Variants in PLCD4 observed in about 807,000 individuals in gnomAD.
The protein encoded by PLCD4 is 1-phosphatidylinositol 4,5-bisphosphate phosphodiesterase delta-4.
PLCD4 carries 63 observed loss-of-function variants against 90.2 expected under a neutral mutation model. The ratio of observed to expected loss-of-function variants is 0.70; its 90% CI spans 0.57 to 0.86. The LOEUF is 0.86. Among genes scored for constraint, PLCD4 ranks in the 40% least tolerant of loss-of-function variants. The pLI is 0.00. For missense variants in PLCD4, 830 were observed against 956.3 expected (o/e 0.87, Z 1.74); for synonymous variants, 294 against 356.5 (o/e 0.82, Z 1.97).
intron 7 of PLCD4, chr2:218,629,305 C>G: frequency 1.9e-6 from 1 of 526,172 alleles, no homozygotes; most frequent in Non-Finnish European, 3.4e-6. Context: ...TATGGAAGGA[C>G]TGTGAGTCGG....
Position 218,633,650 on chromosome 2 carries a change from T to C in PLCD4, c.1495T>C (p.Tyr499His). The C allele has an allele frequency of 1.2e-6, 2 of 1,613,548 alleles. No homozygotes were observed. The highest frequency in any genetic ancestry group is 1.7e-6 in the Non-Finnish European group (2 of 1,179,484). ...TCCAGCCCTCTCTTCCCTGGTTATC[T>C]ACTTGAAGTCTGTCTCATTCCGCAG... ...LCPALSSLVI[Y>H]LKSVSFRSFT... Residue 499 changes from tyrosine to histidine, a missense_variant, in exon 11 of 16, where the codon TAC becomes CAC. Transcript: ENST00000450993.
rs765735729 is a variant in PLCD4, at chr2:218,636,551, G to A, written c.2263G>A (p.Glu755Lys). The change falls in exon 16 of 16, where the codon GAA becomes AAA. Residue 755 changes from glutamate (E) to lysine (K), a missense_variant. Transcript: ENST00000450993. ...CATCTTTGTGTATATCTGCATCCAG[G>A]AAGGCCTGGAGGGGGATGAGTCCTG... ...ASIFVYICIQEGLEGDES is the reference protein window; with the variant it reads ...ASIFVYICIQKGLEGDES The A allele has an allele frequency of 6.2e-7, 1 of 1,614,026 alleles. No homozygotes were observed. The highest frequency in any genetic ancestry group is 1.1e-5 in the South Asian group (1 of 91,078).
Position 218,618,609 on chromosome 2 carries a change from A to T in PLCD4, c.212A>T (p.Asn71Ile), listed in dbSNP as rs1695730650. The T allele has an allele frequency of 6.2e-7, 1 of 1,613,888 alleles. No homozygotes were observed. The highest frequency in any genetic ancestry group is 1.3e-5 in the African/African-American group (1 of 74,910). ...FSISDVETIRNGHDSELLRSL... is the reference protein window; with the variant it reads ...FSISDVETIRIGHDSELLRSL... ...ATCTCTGATGTGGAGACAATACGTAATGGCCATGATTCCGAGTTGCTGCGT... is the reference window on the plus strand; with the variant it reads ...ATCTCTGATGTGGAGACAATACGTATTGGCCATGATTCCGAGTTGCTGCGT... Residue 71 changes from asparagine (N) to isoleucine (I), a missense_variant, in exon 4 of 16, where the codon AAT (asparagine) becomes ATT (isoleucine). Coordinates refer to ENST00000450993, the MANE Select transcript of PLCD4 (RefSeq NM_032726.4).
chr2:218,621,372 G>A (rs1228825866), intron 4 of PLCD4, 98 bp from the exon 5 acceptor site: 2 of 1,400,732 alleles, frequency 1.4e-6, no homozygotes, highest in Non-Finnish European at 1.0e-6. Flanking sequence ...AGAGAGACTG[G>A]CAGGAAAGAG....
At chr2:218,611,966 G>A (rs1023251100) in intron 1 of PLCD4, among the ~76,000 whole-genome samples, 2 of 150,156 alleles carry the variant, frequency 1.3e-5, no homozygotes, top group African/African-American at 4.9e-5. Flanking sequence ...GTCTAGCTCT[G>A]TCGCCAGGTT....
chr2:218,617,253 T>C lies in PLCD4; in HGVS notation c.181+1191T>C, dbSNP rs567717003. On this transcript the variant is annotated intron_variant, in intron 3 of 15. Coordinates refer to ENST00000450993, the MANE Select transcript of PLCD4 (RefSeq NM_032726.4). ...TGCTGGGATTACAGGCGTGAGCCACTGCACCCGGCCTATAATAAATATTTT... is the reference window on the plus strand; with the variant it reads ...TGCTGGGATTACAGGCGTGAGCCACCGCACCCGGCCTATAATAAATATTTT... 1.5e-3 allele frequency among the ~76,000 whole-genome samples: 213 copies of C among 141,748 alleles called. 1 individual carries two copies. In the South Asian group the frequency reaches 0.018, roughly 12 times the overall value. 93.0% of individuals were successfully genotyped at this position (141,748 alleles called of 152,430 possible).
rs1420698830 is a variant in PLCD4, at chr2:218,630,810, C to T, written c.1272+8C>T. ...CAGCTGCCCTCGCCTGAGGTAGGGA[C>T]ACTGTTCCTCCAGCCCAGGCTCTGC... On this transcript the variant is annotated splice_region_variant and intron_variant, in intron 9 of 15. Transcript: ENST00000450993. 6.2e-7 allele frequency: 1 copy of T among 1,606,632 alleles called. No individual in the cohort carries two copies. The highest frequency in any genetic ancestry group is 8.5e-7 in the Non-Finnish European group (1 of 1,175,534).
chr2:218,633,757 G>A lies in PLCD4; in HGVS notation c.1602G>A (p.Glu534=). The A allele has an allele frequency of 3.1e-6, 5 of 1,613,886 alleles. No individual in the cohort carries two copies. In the African/African-American group the frequency reaches 6.7e-5, roughly 22 times the overall value. ...CCAAGGCCAAGCGCCTCATCAAGGA[G>A]GCTGGTCAGGACCAAAATGGAGGGA... ...SETKAKRLIK[E]AGNEFVQHNT... Residue 534 remains glutamate (E), a synonymous_variant, in exon 11 of 16, where the codon GAG becomes GAA. Coordinates refer to ENST00000450993, the MANE Select transcript of PLCD4 (RefSeq NM_032726.4).
At chr2:218,608,864 C>T (rs543358213) in intron 1 of PLCD4, among the ~76,000 whole-genome samples, 4 of 152,152 alleles carry the variant, frequency 2.6e-5, no homozygotes, top group South Asian at 4.1e-4. Flanking sequence ...ACTGGCCGGG[C>T]GCGGTGGCTC....
chr2:218,636,619 CG>C lies in PLCD4; in HGVS notation c.*46del. ...GAAGGGTTGGTGTGCTGGCTTTAGA[CG>C]GGGAGAAACATCTGGAAGGATGCTC... On this transcript the variant is annotated 3_prime_UTR_variant, in exon 16 of 16. Transcript: ENST00000450993. 1 of 1,569,122 alleles carries C rather than the reference CG, an allele frequency of 6.4e-7. No individual in the cohort carries two copies. The highest frequency in any genetic ancestry group is 8.7e-7 in the Non-Finnish European group (1 of 1,143,114).
intron 3 of PLCD4, among the ~76,000 whole-genome samples, chr2:218,616,932 A>ATATG (rs1479684306): frequency 7.4e-5 from 1 of 13,544 alleles, no homozygotes; most frequent in Non-Finnish European, 1.4e-4. Context: ...ATATATAGAG[A>ATATG]GAGAGAGAGA....
intron 7 of PLCD4, chr2:218,629,282 T>G: frequency 2.1e-6 from 1 of 466,788 alleles, no homozygotes; most frequent in Non-Finnish European, 3.8e-6. Flanking sequence ...TGAGGCAATG[T>G]GTGATGGATT....
chr2:218,615,799 T>C (rs1220677153), intron 2 of PLCD4, 38 bp downstream of exon 2: 6 of 1,601,516 alleles, frequency 3.7e-6, no homozygotes, highest in African/African-American at 1.3e-5. Flanking sequence ...GAGGCCTTAG[T>C]GTACAGCTCA....
At chr2:218,627,189 A>G (rs1434913025) in intron 6 of PLCD4, among the ~76,000 whole-genome samples, 1 of 151,802 alleles carries the variant, frequency 6.6e-6, no homozygotes, top group African/African-American at 2.4e-5. Context: ...TGAAACCAGG[A>G]GGCGGAGCTT....
Position 218,630,531 on chromosome 2 carries a change from T to C in PLCD4, c.1120-119T>C, listed in dbSNP as rs1034109806. 9 of 1,177,144 alleles carry C rather than the reference T, an allele frequency of 7.6e-6. No homozygotes were observed. The African/African-American group carries it at 1.1e-4, about 14-fold the overall frequency. 72.9% of individuals were successfully genotyped at this position (1,177,144 alleles called of 1,614,324 possible). A position where few individuals can be genotyped will look rare whatever the true frequency, so the allele number is the denominator to read the frequency against. On this transcript the variant is annotated intron_variant, in intron 8 of 15. Coordinates refer to ENST00000450993, the MANE Select transcript of PLCD4 (RefSeq NM_032726.4). ...ATCCTATAATGGAGTTGGAAGAGTT[T>C]AGTGATCAGGGTACTCATCTGAGTG...
At chr2:218,616,943 G>T (rs1363934678) in intron 3 of PLCD4, among the ~76,000 whole-genome samples, 815 of 34,924 alleles carry the variant, frequency 0.023, 2 homozygotes, top group Middle Eastern at 0.05. Flanking sequence ...GAGAGAGAGA[G>T]AGAGAGAGAG....
chr2:218,627,663 C>A lies in PLCD4; in HGVS notation c.773-366C>A, dbSNP rs186085937. 5.9e-3 allele frequency among the ~76,000 whole-genome samples: 891 copies of A among 152,070 alleles called. 7 individuals carry two copies. The highest frequency in any genetic ancestry group is 0.02 in the African/African-American group (828 of 41,472). On this transcript the variant is annotated intron_variant, in intron 6 of 15. Coordinates refer to ENST00000450993, the MANE Select transcript of PLCD4 (RefSeq NM_032726.4). ...GAGTAGCTGGGACTACAGGCGCCCA[C>A]CACCGTGCCCGGCTAATTTTTTGTA...
intron 1 of PLCD4, 111 bp downstream of exon 1, chr2:218,608,181 C>T (rs1038313268): frequency 6.6e-6 from 1 of 152,602 alleles, no homozygotes; most frequent in African/African-American, 2.4e-5. Flanking sequence ...ACCCTAGACT[C>T]CTTTCCTCAT....
chr2:218,610,214 G>A (rs1163704645), intron 1 of PLCD4, among the ~76,000 whole-genome samples: 1 of 151,918 alleles, frequency 6.6e-6, no homozygotes, highest in East Asian at 1.9e-4. Context: ...GAAAGAAAAT[G>A]AGATGAAAGA....
Sources: allele counts gnomAD v4.1 joint callset (sites outside exome capture counted in the v4.1 genomes callset), GRCh38; gene constraint gnomAD v4.1.1; transcripts MANE v1.5; gene names NCBI Gene and HGNC (gene_info 2026-07-23, HGNC 2026-07-21).